Variants in KCNH7 observed in about 807,000 individuals in gnomAD.
The protein encoded by KCNH7 is voltage-gated inwardly rectifying potassium channel KCNH7.
A neutral mutation model predicts 120.8 loss-of-function variants in KCNH7; 49 were observed. The ratio of observed to expected loss-of-function variants is 0.41; its 90% CI spans 0.32 to 0.51. KCNH7 has a LOEUF of 0.51. KCNH7 is among the 20% of genes least tolerant of loss of function. The pLI is 0.38. For missense variants in KCNH7, 1,097 were observed against 1,446.6 expected, an observed-to-expected ratio of 0.76 and a Z score of 3.92; for synonymous variants, 547 against 516.1, an observed-to-expected ratio of 1.06 and a Z score of -0.81.
chr2:162,585,208 C>A (rs754280357), intron 2 of KCNH7, among the ~76,000 whole-genome samples: 3 of 152,090 alleles, frequency 2.0e-5, no homozygotes, highest in Non-Finnish European at 2.9e-5. Context: ...AATTTGGAAA[C>A]GTAAATAGGA....
At chr2:162,672,981 G>A (rs1301193902) in intron 2 of KCNH7, among the ~76,000 whole-genome samples, 3 of 151,932 alleles carry the variant, frequency 2.0e-5, no homozygotes, top group Admixed American at 6.6e-5. Flanking sequence ...CTAGTAAAAT[G>A]TAGCTTATCT....
chr2:162,656,793 A>T (rs550858721), intron 2 of KCNH7, among the ~76,000 whole-genome samples: 1 of 152,314 alleles, frequency 6.6e-6, no homozygotes, highest in South Asian at 2.1e-4. Flanking sequence ...AAAAATACAA[A>T]GGAAAAATGC....
chr2:162,787,886 T>C (rs1334550216), intron 2 of KCNH7, among the ~76,000 whole-genome samples: 1 of 152,110 alleles, frequency 6.6e-6, no homozygotes, highest in African/African-American at 2.4e-5. Flanking sequence ...TTGCTGACCT[T>C]GGCACCAGGC....
intron 2 of KCNH7, among the ~76,000 whole-genome samples, chr2:162,812,682 T>C (rs923736698): frequency 6.6e-6 from 1 of 152,068 alleles, no homozygotes; most frequent in Non-Finnish European, 1.5e-5. Flanking sequence ...TACTTCACTA[T>C]GAGTGAAGAA....
At chr2:162,747,444 T>C (rs778991921) in intron 2 of KCNH7, among the ~76,000 whole-genome samples, 5 of 152,204 alleles carry the variant, frequency 3.3e-5, no homozygotes, top group Non-Finnish European at 7.4e-5. Flanking sequence ...TCTATACTTT[T>C]ACTACTGAGA....
chr2:162,546,163 G>T (rs1692470145), intron 2 of KCNH7, among the ~76,000 whole-genome samples: 1 of 152,056 alleles, frequency 6.6e-6, no homozygotes, highest in Non-Finnish European at 1.5e-5. Flanking sequence ...ACTTAATTTT[G>T]GAGCTTTGTG....
chr2:162,480,902 C>T (rs1046887021), intron 6 of KCNH7, among the ~76,000 whole-genome samples: 2 of 152,118 alleles, frequency 1.3e-5, no homozygotes, highest in African/African-American at 4.8e-5. Context: ...TGCTACTCTT[C>T]CCACAGTTGC....
intron 2 of KCNH7, among the ~76,000 whole-genome samples, chr2:162,708,822 G>A (rs115940740): frequency 9.0e-4 from 137 of 152,082 alleles, no homozygotes; most frequent in African/African-American, 2.9e-3. Flanking sequence ...TCATAGAGAC[G>A]GGGAAAATCA....
At chr2:162,433,250 G>A (rs1170825821) in intron 8 of KCNH7, among the ~76,000 whole-genome samples, 1 of 152,014 alleles carries the variant, frequency 6.6e-6, no homozygotes, top group Non-Finnish European at 1.5e-5. Context: ...AACTACCAAT[G>A]TCATTTTCCA....
At chr2:162,680,910 A>G (rs1435009) in intron 2 of KCNH7, among the ~76,000 whole-genome samples, 49,055 of 151,714 alleles carry the variant, frequency 0.32, 12,788 homozygotes, top group African/African-American at 0.7. Flanking sequence ...GCTTCAGGTT[A>G]CAGAGTAGAG....
chr2:162,382,789 A>T (rs1686458592), intron 13 of KCNH7, among the ~76,000 whole-genome samples: 2 of 151,946 alleles, frequency 1.3e-5, no homozygotes, highest in African/African-American at 4.8e-5. Flanking sequence ...ATCATTAAGG[A>T]ATGAAATTTG....
intron 2 of KCNH7, among the ~76,000 whole-genome samples, chr2:162,663,954 C>G (rs1281703491): frequency 6.6e-6 from 1 of 152,146 alleles, no homozygotes; most frequent in Non-Finnish European, 1.5e-5. Flanking sequence ...TCCGGATTCA[C>G]TGATTTTTAG....
At chr2:162,652,708 T>C (rs1475084227) in intron 2 of KCNH7, among the ~76,000 whole-genome samples, 1 of 152,194 alleles carries the variant, frequency 6.6e-6, no homozygotes, top group African/African-American at 2.4e-5. Flanking sequence ...GGACTGTCAC[T>C]TGTCCATGGC....
At chr2:162,407,025 T>C (rs1335213166) in intron 9 of KCNH7, among the ~76,000 whole-genome samples, 1 of 152,034 alleles carries the variant, frequency 6.6e-6, no homozygotes. Context: ...AATTGTTTCA[T>C]CATCTAATTT....
intron 5 of KCNH7, among the ~76,000 whole-genome samples, chr2:162,507,757 T>C (rs1230490360): frequency 2.0e-5 from 3 of 151,608 alleles, no homozygotes; most frequent in African/African-American, 7.2e-5. Context: ...TTCCTTATTT[T>C]CTCTTCAGTT....
At chr2:162,414,699 A>G (rs1352009828) in intron 9 of KCNH7, among the ~76,000 whole-genome samples, 2 of 152,108 alleles carry the variant, frequency 1.3e-5, no homozygotes, top group African/African-American at 2.4e-5. Flanking sequence ...GTTTACACAC[A>G]TAGGTAATAG....
intron 2 of KCNH7, among the ~76,000 whole-genome samples, chr2:162,571,079 T>A (rs1208909481): frequency 6.6e-6 from 1 of 151,854 alleles, no homozygotes; most frequent in Non-Finnish European, 1.5e-5. Flanking sequence ...TAAATGGTAT[T>A]CAATTAGGAA....
rs775414148 is a variant in KCNH7, at chr2:162,446,375, C to T, written c.1197G>A (p.Thr399=). The change falls in exon 7 of 16, where the codon ACG becomes ACA. Residue 399 remains threonine, a synonymous_variant. Transcript: ENST00000332142. ...CCTTGAAAGGGCTGTAGTGCAATAT[C>T]GTAAACTTGTTGATGCGTGGTGTCT... ...KLQTPRINKF[T]ILHYSPFKAV... 1.8e-5 allele frequency: 29 copies of T among 1,613,558 alleles called. No homozygotes were observed. The highest frequency in any genetic ancestry group is 7.7e-5 in the South Asian group (7 of 91,066).
intron 2 of KCNH7, among the ~76,000 whole-genome samples, chr2:162,673,667 G>A (rs1244241249): frequency 1.3e-5 from 2 of 152,044 alleles, no homozygotes; most frequent in Non-Finnish European, 2.9e-5. Flanking sequence ...GAAATTTGGA[G>A]CTCAATCCAT....
Sources: gnomAD v4.1 joint callset for allele counts (sites outside exome capture counted in the v4.1 genomes callset) on GRCh38, gnomAD v4.1.1 for gene constraint, MANE v1.5 for transcripts, NCBI Gene and HGNC (gene_info 2026-07-23, HGNC 2026-07-21) for gene names.